Variants in ASCC3 observed in about 807,000 individuals in gnomAD.
ASCC3 encodes the protein activating signal cointegrator 1 complex subunit 3.
A neutral mutation model predicts 256.3 loss-of-function variants in ASCC3; 158 were observed. That is an observed-to-expected ratio of 0.62 (90% CI 0.54 to 0.70). The LOEUF (loss-of-function observed/expected upper bound fraction) is 0.70. ASCC3 is among the 30% of genes least tolerant of loss of function. The probability of loss-of-function intolerance (pLI) is 0.00; values close to 1 mark genes in which losing one functional copy is unlikely to be tolerated. For synonymous variants in ASCC3, 948 were observed against 883.4 expected, an observed-to-expected ratio of 1.07 and a Z score of -1.30; for missense variants, 2,259 against 2,626.0, an observed-to-expected ratio of 0.86 and a Z score of 3.05.
chr6:100,858,199 G>C (rs1174849459), intron 3 of ASCC3: 1 of 441,950 alleles, frequency 2.3e-6, no homozygotes, highest in Non-Finnish European at 3.0e-6. Flanking sequence ...TTTTTAATGT[G>C]CTTCTAGTAA....
Position 100,508,934 on chromosome 6 carries a change from C to T in ASCC3, c.*452G>A. On this transcript the variant is annotated 3_prime_UTR_variant, in exon 42 of 42. Coordinates refer to ENST00000369162, the MANE Select transcript of ASCC3 (RefSeq NM_006828.4). ...CAAAGTATAAATTTTGCTAACAAGA[C>T]ACGCTGTGTACCACCTTACAGATTT... 1 of 169,844 alleles carries T rather than the reference C, an allele frequency of 5.9e-6. No homozygotes were observed. The allele number at this position is 169,844 out of a possible 1,614,324, so 10.5% of individuals were successfully genotyped here.
At chr6:100,531,283 G>C (rs1203430345) in intron 37 of ASCC3, among the ~76,000 whole-genome samples, 8 of 152,080 alleles carry the variant, frequency 5.3e-5, no homozygotes, top group African/African-American at 1.9e-4. Flanking sequence ...TTCCAACATT[G>C]TGGATTTCAT....
At chr6:100,706,694 T>C (rs1778602262) in intron 13 of ASCC3, among the ~76,000 whole-genome samples, 1 of 152,090 alleles carries the variant, frequency 6.6e-6, no homozygotes, top group African/African-American at 2.4e-5. Context: ...GTAAGCTAAC[T>C]GATTTTAGGC....
chr6:100,810,463 C>T (rs1013311343), intron 4 of ASCC3, among the ~76,000 whole-genome samples: 1 of 152,056 alleles, frequency 6.6e-6, no homozygotes, highest in African/African-American at 2.4e-5. Context: ...ATGGCAAGTG[C>T]TAATTAATTA....
intron 8 of ASCC3, among the ~76,000 whole-genome samples, chr6:100,779,657 T>C (rs1782356932): frequency 6.6e-6 from 1 of 152,172 alleles, no homozygotes; most frequent in South Asian, 2.1e-4. Context: ...TAGATTCAGA[T>C]AAACAAGTGT....
intron 10 of ASCC3, among the ~76,000 whole-genome samples, chr6:100,742,306 CT>C (rs1780474097): frequency 6.6e-6 from 1 of 151,954 alleles, no homozygotes; most frequent in African/African-American, 2.4e-5. Flanking sequence ...AAGGAGGTGG[CT>C]GAAGACCTCT....
chr6:100,849,124 C>T (rs1261468522), intron 3 of ASCC3, among the ~76,000 whole-genome samples: 7 of 152,018 alleles, frequency 4.6e-5, no homozygotes, highest in Admixed American at 4.6e-4. Context: ...AAAAACATAA[C>T]AATAAAGACA....
At chr6:100,819,929 CAAAG>C (rs755085513) in intron 4 of ASCC3, among the ~76,000 whole-genome samples, 7 of 151,094 alleles carry the variant, frequency 4.6e-5, no homozygotes, top group Non-Finnish European at 1.0e-4. Context: ...AAAAATCAAA[CAAAG>C]GAAGTATAAG....
chr6:100,801,573 A>C (rs545591714), intron 5 of ASCC3, among the ~76,000 whole-genome samples: 1 of 152,114 alleles, frequency 6.6e-6, no homozygotes, highest in Non-Finnish European at 1.5e-5. Context: ...ACTCTCAATC[A>C]TAGGGAAAAC....
At chr6:100,875,919 T>TGAGAAAGAAAAG (rs1261246954) in intron 1 of ASCC3, among the ~76,000 whole-genome samples, 1 of 151,380 alleles carries the variant, frequency 6.6e-6, no homozygotes, top group African/African-American at 2.4e-5. Context: ...TTCAAGAAAA[T>TGAGAAAGAAAAG]GAGAAAGAAA....
chr6:100,546,657 T>A (rs1443395835), intron 36 of ASCC3, among the ~76,000 whole-genome samples: 2 of 152,066 alleles, frequency 1.3e-5, no homozygotes, highest in Non-Finnish European at 2.9e-5. Flanking sequence ...TTAAAAAAAA[T>A]CCAAATCCTG....
At chr6:100,528,198 T>C (rs1015491142) in intron 37 of ASCC3, among the ~76,000 whole-genome samples, 1 of 152,184 alleles carries the variant, frequency 6.6e-6, no homozygotes, top group African/African-American at 2.4e-5. Flanking sequence ...ATAAAATGCA[T>C]TTTCAGAATA....
intron 25 of ASCC3, among the ~76,000 whole-genome samples, chr6:100,634,839 A>G (rs1267204005): frequency 2.7e-5 from 4 of 148,714 alleles, no homozygotes; most frequent in Non-Finnish European, 5.9e-5. Context: ...TGGGCAACAC[A>G]GCGAGACCCC....
rs575970882 is a variant in ASCC3, at chr6:100,672,070, C to T, written c.2286+7548G>A. On this transcript the variant is annotated intron_variant, in intron 14 of 41. Transcript: ENST00000369162. ...CTCTTTTGCTTTGTCAACTCCTAGC[C>T]TTCAGATCAGCTTAAATGTCACTTT... is the stretch of plus-strand genomic sequence containing the variant. Among the ~76,000 whole-genome samples the T allele has an allele frequency of 5.3e-5, 8 of 152,114 alleles. No individual in the cohort carries two copies. The South Asian group carries it at 1.7e-3, about 32-fold the overall frequency.
intron 9 of ASCC3, 96 bp from the exon 10 acceptor site, chr6:100,766,801 T>C: frequency 1.4e-6 from 2 of 1,429,112 alleles, no homozygotes; most frequent in South Asian, 1.2e-5. Flanking sequence ...TTGTGAAATA[T>C]GTTTCTAACT....
intron 30 of ASCC3, among the ~76,000 whole-genome samples, chr6:100,608,127 C>CATATATATGT (rs1562161249): frequency 1.8e-5 from 2 of 113,150 alleles, no homozygotes; most frequent in East Asian, 2.4e-4. Context: ...TCTATATATA[C>CATATATATGT]ATATATATGT....
intron 3 of ASCC3, among the ~76,000 whole-genome samples, chr6:100,850,097 T>TAAAA (rs1772587387): frequency 4.2e-5 from 1 of 23,816 alleles, no homozygotes; most frequent in African/African-American, 1.2e-4. Context: ...TGAGACTCTA[T>TAAAA]CAAAAAAAAA....
intron 36 of ASCC3, among the ~76,000 whole-genome samples, chr6:100,567,543 T>C (rs1422614887): frequency 6.6e-6 from 1 of 152,202 alleles, no homozygotes; most frequent in Non-Finnish European, 1.5e-5. Flanking sequence ...ACCTAACAAT[T>C]AGTTTTTCAA....
intron 36 of ASCC3, among the ~76,000 whole-genome samples, chr6:100,586,356 T>G (rs576335211): frequency 6.6e-6 from 1 of 152,124 alleles, no homozygotes; most frequent in Admixed American, 6.5e-5. Context: ...TAGCAATCAG[T>G]GAGACTCCGT....
Sources: gnomAD v4.1 joint callset for allele counts (sites outside exome capture counted in the v4.1 genomes callset) on GRCh38, gnomAD v4.1.1 for gene constraint, MANE v1.5 for transcripts, NCBI Gene and HGNC (gene_info 2026-07-23, HGNC 2026-07-21) for gene names.